RECK: variants seen among roughly 807,000 people sequenced by gnomAD.
The protein encoded by RECK is reversion-inducing cysteine-rich protein with Kazal motifs.
RECK carries 69 observed loss-of-function variants against 115.1 expected under a neutral mutation model. The ratio of observed to expected loss-of-function variants is 0.60; its 90% CI spans 0.49 to 0.73. The LOEUF (loss-of-function observed/expected upper bound fraction) is 0.73. Ranked by LOEUF, RECK falls within the 30% of genes least tolerant of loss-of-function variation. RECK has a pLI of 0.00. For synonymous variants in RECK, 414 were observed against 419.7 expected, an observed-to-expected ratio of 0.99 and a Z score of 0.17; for missense variants, 1,047 against 1,203.7, an observed-to-expected ratio of 0.87 and a Z score of 1.93.
At chr9:36,095,853 C>G (rs1281224214) in intron 10 of RECK, among the ~76,000 whole-genome samples, 2 of 149,838 alleles carry the variant, frequency 1.3e-5, no homozygotes, top group East Asian at 4.0e-4. Context: ...GGTGGATCAC[C>G]TGAGGTCAGG....
intron 3 of RECK, among the ~76,000 whole-genome samples, chr9:36,059,675 G>A (rs762737466): frequency 1.7e-4 from 26 of 152,216 alleles, no homozygotes; most frequent in Non-Finnish European, 3.4e-4. Context: ...CCTTTTAAAG[G>A]TCTCTAATAC....
At chr9:36,113,653 C>T (rs113567659) in intron 16 of RECK, among the ~76,000 whole-genome samples, 5 of 152,078 alleles carry the variant, frequency 3.3e-5, no homozygotes, top group Non-Finnish European at 7.4e-5. Flanking sequence ...GCTACATGAA[C>T]CTCAAAATTT....
intron 6 of RECK, among the ~76,000 whole-genome samples, chr9:36,079,123 G>A (rs1472736501): frequency 2.6e-5 from 4 of 152,198 alleles, no homozygotes; most frequent in South Asian, 2.1e-4. Context: ...TCGAACTCCC[G>A]ACCTCAGGTG....
intron 16 of RECK, 54 bp downstream of exon 16, chr9:36,112,530 A>G: frequency 6.5e-7 from 1 of 1,534,346 alleles, no homozygotes; most frequent in Non-Finnish European, 9.0e-7. Context: ...CTTACAAAGC[A>G]TCTACCATAT....
rs560873021 is a variant in RECK at position 36,102,730 on chromosome 9, C to G, written c.1435+500C>G. 4.5e-3 allele frequency among the ~76,000 whole-genome samples: 680 copies of G among 151,950 alleles called. 4 individuals are homozygous for G. Among genetic ancestry groups the G allele is most frequent in the African/African-American group, 0.015 (640 of 41,430 alleles). On this transcript the variant is annotated intron_variant, in intron 12 of 20. Transcript: ENST00000377966. ...CAGCACTCTGAGAAGCTGAGGCAGG[C>G]GGATCACGAGGTCAGGGGATCGAGA...
chr9:36,067,858 CGTTGCAAATGA>C (rs1822069661), intron 6 of RECK, among the ~76,000 whole-genome samples: 1 of 152,034 alleles, frequency 6.6e-6, no homozygotes. Context: ...TCAGGAAAAA[CGTTGCAAATGA>C]GAGAGGCCTG....
At chr9:36,091,432 T>C in intron 10 of RECK, 89 bp downstream of exon 10, 1 of 1,029,616 alleles carries the variant, frequency 9.7e-7, no homozygotes, top group Admixed American at 3.1e-5. Context: ...TTTATTCCTG[T>C]TGGGTTAAAA....
rs150579138 is a variant in RECK, at chr9:36,121,433, G to A, written c.2539-100G>A. 1.7e-3 allele frequency: 1,947 copies of A among 1,125,034 alleles called. 23 individuals carry two copies. In the African/African-American group the frequency reaches 0.023, roughly 13 times the overall value. 69.7% of individuals were successfully genotyped at this position (1,125,034 alleles called of 1,614,324 possible). A position where few individuals can be genotyped will look rare whatever the true frequency, so the allele number is the denominator to read the frequency against. On this transcript the variant is annotated intron_variant, in intron 19 of 20. Coordinates refer to ENST00000377966, the MANE Select transcript of RECK (RefSeq NM_021111.3). ...TTGGGCCTTCCGCTGAGGGCTGTGC[G>A]GTCAAAAGAGCCTCCTCAGCTGGCA...
chr9:36,119,023 C>T (rs1342368459), intron 18 of RECK, 56 bp downstream of exon 18: 9 of 1,519,864 alleles, frequency 5.9e-6, no homozygotes, highest in South Asian at 2.3e-5. Flanking sequence ...TGCTTATCCA[C>T]CTCCAGAGAG....
intron 18 of RECK, 120 bp downstream of exon 18, chr9:36,119,087 T>A: frequency 1.0e-6 from 1 of 994,250 alleles, no homozygotes; most frequent in Non-Finnish European, 1.5e-6. Flanking sequence ...TTGAAGAGAT[T>A]CTTATGCTGA....
intron 1 of RECK, among the ~76,000 whole-genome samples, chr9:36,038,827 A>G (rs1483752637): frequency 6.6e-6 from 1 of 152,084 alleles, no homozygotes; most frequent in Admixed American, 6.6e-5. Flanking sequence ...AAAAAAAACA[A>G]GAAACTTTTT....
intron 6 of RECK, among the ~76,000 whole-genome samples, chr9:36,069,035 T>C (rs895998017): frequency 3.3e-5 from 5 of 152,096 alleles, no homozygotes; most frequent in Admixed American, 1.3e-4. Context: ...ATTTCAGACC[T>C]CTTGGGATTT....
chr9:36,105,175 G>A lies in RECK; in HGVS notation c.1468G>A (p.Val490Met), dbSNP rs777795052. Residue 490 changes from valine to methionine, a missense_variant, in exon 13 of 21, where the codon GTG becomes ATG. Physicochemically the swap from Val to Met is conservative, Grantham distance 21. Coordinates refer to ENST00000377966, the MANE Select transcript of RECK (RefSeq NM_021111.3). ...TACTTTAGGTAACATTGTAGAAGAAGTGACTCATCCCTGTAACCCAAATCC... is the reference window on the plus strand; with the variant it reads ...TACTTTAGGTAACATTGTAGAAGAAATGACTCATCCCTGTAACCCAAATCC... The part of the protein sequence containing the change: ...PSTLGNIVEE[V>M]THPCNPNPCP... 6.2e-7 allele frequency: 1 copy of A among 1,614,088 alleles called. No individual in the cohort carries two copies. Among genetic ancestry groups the A allele is most frequent in the Non-Finnish European group, 8.5e-7 (1 of 1,179,988 alleles).
intron 2 of RECK, among the ~76,000 whole-genome samples, chr9:36,053,359 G>A (rs1821385191): frequency 6.6e-6 from 1 of 152,036 alleles, no homozygotes; most frequent in South Asian, 2.1e-4. Flanking sequence ...GTAATAACCT[G>A]GATCTTGTTA....
Position 36,049,919 on chromosome 9 carries a change from T to G in RECK, c.101-2346T>G, listed in dbSNP as rs769912398. ...AGTACTGTGATCAGTTTGAAATCCTTATTACTTGATAGCAGTATCTAACAT... is the reference window on the plus strand; with the variant it reads ...AGTACTGTGATCAGTTTGAAATCCTGATTACTTGATAGCAGTATCTAACAT... On this transcript the variant is annotated intron_variant, in intron 1 of 20. Coordinates refer to ENST00000377966, the MANE Select transcript of RECK (RefSeq NM_021111.3). Among the ~76,000 whole-genome samples, 7 of 152,364 alleles carry G rather than the reference T, an allele frequency of 4.6e-5. No individual in the cohort carries two copies. In the South Asian group the frequency reaches 6.2e-4, roughly 14 times the overall value.
intron 10 of RECK, among the ~76,000 whole-genome samples, chr9:36,093,555 G>A (rs1823239209): frequency 6.6e-6 from 1 of 152,060 alleles, no homozygotes; most frequent in Non-Finnish European, 1.5e-5. Context: ...AGACACAGCA[G>A]AAGAAAAAGG....
Position 36,123,879 on chromosome 9 carries a change from A to G in RECK, c.*834A>G, listed in dbSNP as rs1441557098. The stretch of plus-strand genomic sequence containing the variant: ...ATTGCTGCTACTTATATAATTGCCA[A>G]AAAGTGAAATAATGTGTAGTTCATG... On this transcript the variant is annotated 3_prime_UTR_variant, in exon 21 of 21. Transcript: ENST00000377966. 6.5e-6 allele frequency: 1 copy of G among 152,692 alleles called. No homozygotes were observed. Among genetic ancestry groups the G allele is most frequent in the Non-Finnish European group, 1.5e-5 (1 of 68,054 alleles). 9.5% of individuals were successfully genotyped at this position (152,692 alleles called of 1,614,324 possible).
intron 12 of RECK, among the ~76,000 whole-genome samples, chr9:36,104,252 T>G (rs1434617475): frequency 7.1e-6 from 1 of 140,604 alleles, no homozygotes; most frequent in Non-Finnish European, 1.5e-5. Context: ...TATTTATTTA[T>G]AGATACACAT....
In RECK at chr9:36,101,752, C is replaced by T. The variant is rs573035527; in HGVS notation, c.1299-342C>T. 7.2e-4 allele frequency among the ~76,000 whole-genome samples: 109 copies of T among 152,276 alleles called. 1 individual carries two copies. The highest frequency in any genetic ancestry group is 2.6e-3 in the African/African-American group (108 of 41,550). The stretch of plus-strand genomic sequence containing the variant: ...AAAAGAGGCAAGCAAGCAAACAAGC[C>T]AGCATAAGGTCCTAGAAGTGAGGAT... On this transcript the variant is annotated intron_variant, in intron 11 of 20. Coordinates refer to ENST00000377966, the MANE Select transcript of RECK (RefSeq NM_021111.3).
Sources: allele counts gnomAD v4.1 joint callset (sites outside exome capture counted in the v4.1 genomes callset), GRCh38; gene constraint gnomAD v4.1.1; transcripts MANE v1.5; gene names NCBI Gene and HGNC (gene_info 2026-07-23, HGNC 2026-07-21).